The following GCNT3 variants were observed in gnomAD, a reference collection of about 807,000 sequenced individuals.
GCNT3 encodes beta-1,3-galactosyl-O-glycosyl-glycoprotein beta-1,6-N-acetylglucosaminyltransferase 3.
For missense variants in GCNT3, 708 were observed against 530.3 expected (o/e 1.34, Z -3.29); for synonymous variants, 269 against 195.2 (o/e 1.38, Z -3.15).
Position 59,619,792 on chromosome 15 carries a change from A to G in GCNT3, c.*237A>G. The G allele has an allele frequency of 2.4e-6, 1 of 413,504 alleles. No homozygotes were observed. Among genetic ancestry groups the G allele is most frequent in the Admixed American group, 4.0e-5 (1 of 25,234 alleles). 25.6% of individuals were successfully genotyped at this position (413,504 alleles called of 1,614,324 possible). A position where few individuals can be genotyped will look rare whatever the true frequency, so the allele number is the denominator to read the frequency against. ...TAGTAGTTCCTCCACTAACTTTCTC[A>G]CTAAGTGAGAATGAGAACTGCTGTG... On this transcript the variant is annotated 3_prime_UTR_variant, in exon 3 of 3. Transcript: ENST00000396065.
intron 2 of GCNT3, chr15:59,617,938 C>T (rs2082727183): frequency 4.3e-6 from 1 of 234,580 alleles, no homozygotes; most frequent in African/African-American, 2.3e-5. Flanking sequence ...AGCAGGTGCT[C>T]AGTTGTTCCT....
intron 1 of GCNT3, among the ~76,000 whole-genome samples, chr15:59,616,188 A>T (rs923229326): frequency 2.0e-5 from 3 of 152,222 alleles, no homozygotes; most frequent in Admixed American, 6.5e-5. Context: ...ATAGTCGTGC[A>T]AAGACAGGCA....
intron 1 of GCNT3, among the ~76,000 whole-genome samples, chr15:59,615,730 A>G (rs998072681): frequency 6.6e-6 from 1 of 151,882 alleles, no homozygotes; most frequent in Non-Finnish European, 1.5e-5. Context: ...TTTAAAAAAA[A>G]AAAAAAAATT....
chr15:59,619,686 T>C lies in GCNT3; in HGVS notation c.*131T>C. The C allele has an allele frequency of 5.8e-6, 4 of 693,004 alleles. No individual in the cohort carries two copies. The East Asian group carries it at 1.0e-4, about 17-fold the overall frequency. 42.9% of individuals were successfully genotyped at this position (693,004 alleles called of 1,614,324 possible). On this transcript the variant is annotated 3_prime_UTR_variant, in exon 3 of 3. Transcript: ENST00000396065. ...GCATCCTTTAGGATAAGAGGGCTGC[T>C]ATTAGAGTGTGGGTAAGTAGATCTT... is the stretch of plus-strand genomic sequence containing the variant.
At position 59,618,888 on chromosome 15, in the gene GCNT3, C is replaced by T. The variant is rs141022876; in HGVS notation, c.650C>T (p.Ser217Leu). 1.6e-5 allele frequency: 26 copies of T among 1,614,022 alleles called. No individual in the cohort carries two copies. Among genetic ancestry groups the T allele is most frequent in the Non-Finnish European group, 2.0e-5 (24 of 1,180,044 alleles). ...TGCATGGAAGACTTGCTCCAGAGCT[C>T]AGTGCCGTGGAAATACTTCCTGAAT... Reference protein sequence around the residue: ...LNCMEDLLQSSVPWKYFLNTC... With the variant: ...LNCMEDLLQSLVPWKYFLNTC... Residue 217 changes from serine (S) to leucine (L), a missense_variant, in exon 3 of 3, where the codon TCA becomes TTA. By Grantham distance (145) the Ser-to-Leu change is moderately radical. Transcript: ENST00000396065.
At chr15:59,617,101 T>C (rs189040339) in intron 2 of GCNT3, among the ~76,000 whole-genome samples, 34 of 151,922 alleles carry the variant, frequency 2.2e-4, no homozygotes, top group African/African-American at 7.2e-4. Flanking sequence ...TATTTATTTT[T>C]TCTTTTTTTT....
rs542297053 is a variant in GCNT3 at position 59,616,699 on chromosome 15, A to G, written c.-243A>G. The G allele has an allele frequency of 6.6e-6, 1 of 152,348 alleles. No individual in the cohort carries two copies. Among genetic ancestry groups the G allele is most frequent in the East Asian group, 1.9e-4 (1 of 5,186 alleles). The allele number at this position is 152,348 out of a possible 1,614,324, so 9.4% of individuals were successfully genotyped here. Reference sequence around the variant, plus strand: ...CTGCCCTCTACTTTGCAGATATTAAAGAGGAGCCTGAAACTGTTCCTTGGA... The same window carrying G: ...CTGCCCTCTACTTTGCAGATATTAAGGAGGAGCCTGAAACTGTTCCTTGGA... On this transcript the variant is annotated 5_prime_UTR_variant, in exon 2 of 3. Coordinates refer to ENST00000396065, the MANE Select transcript of GCNT3 (RefSeq NM_004751.3).
Position 59,618,933 on chromosome 15 carries a change from C to T in GCNT3, c.695C>T (p.Pro232Leu). The T allele has an allele frequency of 1.2e-6, 2 of 1,614,074 alleles. No homozygotes were observed. The highest frequency in any genetic ancestry group is 2.2e-5 in the East Asian group (1 of 44,886). Residue 232 changes from proline to leucine, a missense_variant, in exon 3 of 3, where the codon CCT (proline) becomes CTT (leucine). Coordinates refer to ENST00000396065, the MANE Select transcript of GCNT3 (RefSeq NM_004751.3). ...CTGAATACATGTGGGACGGACTTTCCTATAAAGAGCAATGCAGAGATGGTC... is the reference window on the plus strand; with the variant it reads ...CTGAATACATGTGGGACGGACTTTCTTATAAAGAGCAATGCAGAGATGGTC... ...YFLNTCGTDF[P>L]IKSNAEMVQA...
chr15:59,615,690 G>A lies in GCNT3; in HGVS notation c.-250-1002G>A, dbSNP rs577319076. 5.9e-5 allele frequency among the ~76,000 whole-genome samples: 9 copies of A among 151,532 alleles called. No individual in the cohort carries two copies. In the South Asian group the frequency reaches 8.3e-4, roughly 14 times the overall value. On this transcript the variant is annotated intron_variant, in intron 1 of 2. Coordinates refer to ENST00000396065, the MANE Select transcript of GCNT3 (RefSeq NM_004751.3). The stretch of plus-strand genomic sequence containing the variant: ...TTGAGCCCAGGAATTTGAGATGAGC[G>A]TGGGCAACATAGCAAGACCTCATCT...
rs1298160304 is a variant in GCNT3, at chr15:59,621,770, G to C, written c.*2215G>C. 1.3e-5 allele frequency: 2 copies of C among 150,226 alleles called. No individual in the cohort carries two copies. Among genetic ancestry groups the C allele is most frequent in the African/African-American group, 2.4e-5 (1 of 40,854 alleles). The allele number at this position is 150,226 out of a possible 1,614,324, so 9.3% of individuals were successfully genotyped here. ...GCCACCTTGCCTGGCTAATTTTTTT[G>C]TATTTTTTTAGTAGAAACAGGGTTT... On this transcript the variant is annotated 3_prime_UTR_variant, in exon 3 of 3. Coordinates refer to ENST00000396065, the MANE Select transcript of GCNT3 (RefSeq NM_004751.3).
rs376762799 is a variant in GCNT3, at chr15:59,619,062, C to A, written c.824C>A (p.Thr275Lys). 1.6e-5 allele frequency: 26 copies of A among 1,614,056 alleles called. No individual in the cohort carries two copies. The East Asian group carries it at 4.0e-4, about 25-fold the overall frequency. ...WKYHFEVVRD[T>K]LHLTNKKKDP... ...TATCACTTTGAGGTAGTGAGAGACA[C>A]ATTACACCTAACCAACAAGAAGAAG... Residue 275 changes from threonine to lysine, a missense_variant, in exon 3 of 3, where the codon ACA becomes AAA. Thr to Lys is a moderately conservative substitution (Grantham distance 78, BLOSUM62 -1). Coordinates refer to ENST00000396065, the MANE Select transcript of GCNT3 (RefSeq NM_004751.3).
Position 59,618,858 on chromosome 15 carries a change from T to C in GCNT3, c.620T>C (p.Leu207Pro), listed in dbSNP as rs200969029. Residue 207 changes from leucine to proline, a missense_variant, in exon 3 of 3, where the codon CTC (leucine) becomes CCC (proline). By Grantham distance (98) the Leu-to-Pro change is moderately conservative. Transcript: ENST00000396065. Reference sequence around the variant, plus strand: ...TCCTGGTCCAGGGTGCAAGCTGACCTCAACTGCATGGAAGACTTGCTCCAG... The same window carrying C: ...TCCTGGTCCAGGGTGCAAGCTGACCCCAACTGCATGGAAGACTTGCTCCAG... Reference protein sequence around the residue: ...YASWSRVQADLNCMEDLLQSS... With the variant: ...YASWSRVQADPNCMEDLLQSS... 10 of 1,614,174 alleles carry C rather than the reference T, an allele frequency of 6.2e-6. No homozygotes were observed. The East Asian group carries it at 2.2e-4, about 36-fold the overall frequency.
chr15:59,619,190 C>T lies in GCNT3; in HGVS notation c.952C>T (p.Leu318=), dbSNP rs2082735361. The T allele has an allele frequency of 1.9e-6, 3 of 1,613,932 alleles. No homozygotes were observed. Among genetic ancestry groups the T allele is most frequent in the Middle Eastern group, 1.6e-4 (1 of 6,084 alleles). Residue 318 remains leucine (L), a synonymous_variant, in exon 3 of 3, where the codon CTG becomes TTG. Transcript: ENST00000396065. ...TTTGAAGAACCCTAAATCCCAACAA[C>T]TGATTGAATGGGTAAAAGACACTTA... ...HVLKNPKSQQ[L]IEWVKDTYSP... is the part of the protein sequence containing the mutation.
chr15:59,614,178 C>G (rs1337357664), intron 1 of GCNT3, among the ~76,000 whole-genome samples: 2 of 152,134 alleles, frequency 1.3e-5, no homozygotes, highest in Non-Finnish European at 2.9e-5. Context: ...GATTAGAATA[C>G]TGAAGCAAGT....
chr15:59,618,899 A>G lies in GCNT3; in HGVS notation c.661A>G (p.Lys221Glu). The G allele has an allele frequency of 6.2e-7, 1 of 1,614,178 alleles. No individual in the cohort carries two copies. The change falls in exon 3 of 3, where the codon AAA becomes GAA. Residue 221 changes from lysine (K) to glutamate (E), a missense_variant. Lys to Glu is a moderately conservative substitution (Grantham distance 56). Coordinates refer to ENST00000396065, the MANE Select transcript of GCNT3 (RefSeq NM_004751.3). Reference sequence around the variant, plus strand: ...CTTGCTCCAGAGCTCAGTGCCGTGGAAATACTTCCTGAATACATGTGGGAC... The same window carrying G: ...CTTGCTCCAGAGCTCAGTGCCGTGGGAATACTTCCTGAATACATGTGGGAC... ...EDLLQSSVPW[K>E]YFLNTCGTDF...
chr15:59,621,843 C>T lies in GCNT3; in HGVS notation c.*2288C>T, dbSNP rs926866887. The T allele has an allele frequency of 2.0e-5, 3 of 151,136 alleles. No individual in the cohort carries two copies. Among genetic ancestry groups the T allele is most frequent in the African/African-American group, 7.3e-5 (3 of 41,136 alleles). 9.4% of individuals were successfully genotyped at this position (151,136 alleles called of 1,614,324 possible). On this transcript the variant is annotated 3_prime_UTR_variant, in exon 3 of 3. Coordinates refer to ENST00000396065, the MANE Select transcript of GCNT3 (RefSeq NM_004751.3). ...TGAACTCCTGACCTCAAGTGATCCA[C>T]TTGCCTTGGCTTCCCAAAGTGCTGG...
Position 59,619,030 on chromosome 15 carries a change from C to T in GCNT3, c.792C>T (p.Arg264=). The T allele has an allele frequency of 6.2e-7, 1 of 1,614,120 alleles. No homozygotes were observed. Among genetic ancestry groups the T allele is most frequent in the South Asian group, 1.1e-5 (1 of 91,084 alleles). The change falls in exon 3 of 3, where the codon CGC becomes CGT. Residue 264 remains arginine, a synonymous_variant. Transcript: ENST00000396065. Reference sequence around the variant, plus strand: ...TACCTCCTAAGCACAAAGAAACCCGCTGGAAATATCACTTTGAGGTAGTGA... The same window carrying T: ...TACCTCCTAAGCACAAAGAAACCCGTTGGAAATATCACTTTGAGGTAGTGA... ...SEVPPKHKET[R]WKYHFEVVRD...
intron 1 of GCNT3, among the ~76,000 whole-genome samples, chr15:59,614,452 A>G (rs1194457050): frequency 6.6e-6 from 1 of 151,478 alleles, no homozygotes; most frequent in African/African-American, 2.5e-5. Context: ...CTCCATAGAC[A>G]TAGCAGCCCT....
rs1431469107 is a variant in GCNT3 at position 59,622,065 on chromosome 15, C to A, written c.*2510C>A. On this transcript the variant is annotated 3_prime_UTR_variant, in exon 3 of 3. Coordinates refer to ENST00000396065, the MANE Select transcript of GCNT3 (RefSeq NM_004751.3). ...TGGTGGCTGACGCCTGTAATCCCAG[C>A]ACTTTGGGAGGCCAAGGTAGGCAGA... 1 of 151,576 alleles carries A rather than the reference C, an allele frequency of 6.6e-6. No individual in the cohort carries two copies. The highest frequency in any genetic ancestry group is 6.6e-5 in the Admixed American group (1 of 15,224). The allele number at this position is 151,576 out of a possible 1,614,324, so 9.4% of individuals were successfully genotyped here. A position where few individuals can be genotyped will look rare whatever the true frequency, so the allele number is the denominator to read the frequency against.
Sources: allele counts gnomAD v4.1 joint callset (sites outside exome capture counted in the v4.1 genomes callset), GRCh38; gene constraint gnomAD v4.1.1; transcripts MANE v1.5; gene names NCBI Gene and HGNC (gene_info 2026-07-23, HGNC 2026-07-21).